TTC24: variants seen among roughly 807,000 people sequenced by gnomAD.
TTC24 encodes the protein tetratricopeptide repeat domain 24.
A neutral mutation model predicts 63.3 loss-of-function variants in TTC24; 54 were observed. That is an observed-to-expected ratio of 0.85 (90% CI 0.69 to 1.07). The LOEUF is 1.07. Ranked by LOEUF, TTC24 falls within the 50% of genes least tolerant of loss-of-function variation. The probability of loss-of-function intolerance (pLI) is 0.00; values close to 1 mark genes in which losing one functional copy is unlikely to be tolerated. For synonymous variants in TTC24, 276 were observed against 304.3 expected (o/e 0.91, Z 0.97); for missense variants, 680 against 730.5 (o/e 0.93, Z 0.80).
chr1:156,586,597 C>A lies in TTC24; in HGVS notation c.*47C>A. 1 of 1,536,564 alleles carries A rather than the reference C, an allele frequency of 6.5e-7. No individual in the cohort carries two copies. The highest frequency in any genetic ancestry group is 9.0e-7 in the Non-Finnish European group (1 of 1,117,160). ...CCTCATCCCTGAAGCACCTGTCCAACACGCACACACTAGGGGGTCCTGGGG... is the reference window on the plus strand; with the variant it reads ...CCTCATCCCTGAAGCACCTGTCCAAAACGCACACACTAGGGGGTCCTGGGG... On this transcript the variant is annotated 3_prime_UTR_variant, in exon 11 of 11. Coordinates refer to ENST00000368236, the MANE Select transcript of TTC24 (RefSeq NM_001105669.4).
In TTC24 at chr1:156,586,904, GTCCA is replaced by G. The variant is rs776157788; in HGVS notation, c.*356_*359del. 3.5e-5 allele frequency: 7 copies of G among 201,394 alleles called. No homozygotes were observed. The highest frequency in any genetic ancestry group is 5.2e-5 in the Non-Finnish European group (5 of 96,000). The allele number at this position is 201,394 out of a possible 1,614,324, so 12.5% of individuals were successfully genotyped here. On this transcript the variant is annotated 3_prime_UTR_variant, in exon 11 of 11. Transcript: ENST00000368236. Reference sequence around the variant, plus strand: ...TTGGAGTCACTGACTGTCTCCAGACGTCCATTTTTGCACATGAGAAATGAGGATA... The same window carrying G: ...TTGGAGTCACTGACTGTCTCCAGACGTTTTTGCACATGAGAAATGAGGATA...
rs986260479 is a variant in TTC24 at position 156,587,295 on chromosome 1, T to C, written c.*745T>C. On this transcript the variant is annotated 3_prime_UTR_variant, in exon 11 of 11. Transcript: ENST00000368236. Reference sequence around the variant, plus strand: ...TCACAACAAATATATGAGGTGCTATTATCCCCTTTCGCAAATGAGGAAAAT... The same window carrying C: ...TCACAACAAATATATGAGGTGCTATCATCCCCTTTCGCAAATGAGGAAAAT... Among the ~76,000 whole-genome samples, 3 of 152,186 alleles carry C rather than the reference T, an allele frequency of 2.0e-5. No homozygotes were observed. Among genetic ancestry groups the C allele is most frequent in the Non-Finnish European group, 2.9e-5 (2 of 68,040 alleles).
intron 9 of TTC24, 54 bp downstream of exon 9, chr1:156,585,880 T>G: frequency 1.3e-6 from 2 of 1,591,540 alleles, no homozygotes; most frequent in Non-Finnish European, 1.7e-6. Flanking sequence ...CTCTCAGAGC[T>G]TTTTTCCACC....
In TTC24 at chr1:156,581,704, AGGCGACAC is replaced by A. The variant is rs1192508854; in HGVS notation, c.347_354del (p.His116ProfsTer34). The stretch of plus-strand genomic sequence containing the variant: ...CCACCCTGAAGAGAAGGCACAGGGC[AGGCGACAC>A]GGCGACCAATGTTTCAATGTGGCTT... On this transcript the variant is annotated frameshift_variant, in exon 2 of 11. Coordinates refer to ENST00000368236, the MANE Select transcript of TTC24 (RefSeq NM_001105669.4). LOFTEE classifies it high-confidence loss of function. 2 of 1,551,678 alleles carry A rather than the reference AGGCGACAC, an allele frequency of 1.3e-6. No homozygotes were observed. The highest frequency in any genetic ancestry group is 1.7e-6 in the Non-Finnish European group (2 of 1,147,020).
At chr1:156,585,292 C>T in intron 8 of TTC24, 61 bp downstream of exon 8, 1 of 1,316,646 alleles carries the variant, frequency 7.6e-7, no homozygotes, top group Non-Finnish European at 1.0e-6. Context: ...GGCACTCCCA[C>T]CCCCACCCGC....
chr1:156,585,894 A>G (rs1177959259), intron 9 of TTC24, 55 bp from the exon 10 acceptor site: 2 of 1,596,134 alleles, frequency 1.3e-6, no homozygotes, highest in Admixed American at 1.7e-5. Context: ...TTCCACCATG[A>G]TAGTTCTTGG....
intron 2 of TTC24, 72 bp from the exon 3 acceptor site, chr1:156,582,159 G>A (rs1358375195): frequency 2.0e-6 from 3 of 1,471,208 alleles, no homozygotes; most frequent in Non-Finnish European, 2.7e-6. Context: ...AACCCTGGAG[G>A]AGTCGATAGG....
chr1:156,581,165 A>G (rs1286665521), intron 1 of TTC24, among the ~76,000 whole-genome samples, 196 bp from the exon 2 acceptor site: 4 of 152,236 alleles, frequency 2.6e-5, no homozygotes, highest in Admixed American at 6.5e-5. Flanking sequence ...AGGACTAAGA[A>G]TTAGTCAGGA....
Position 156,583,878 on chromosome 1 carries a change from G to A in TTC24, c.1234G>A (p.Val412Ile). The change falls in exon 6 of 11, where the codon GTC (valine) becomes ATC (isoleucine). Residue 412 changes from valine to isoleucine, a missense_variant. By Grantham distance (29) the Val-to-Ile change is conservative. Coordinates refer to ENST00000368236, the MANE Select transcript of TTC24 (RefSeq NM_001105669.4). This position sits in a 1 kb window ranked among gnomAD's most constrained non-coding sequence, Gnocchi z 4.0. ...VRTRLAQVGL[V>I]QTHTLTSAPG... ...GACGCGCTTGGCCCAGGTGGGGCTGGTCCAGACTCACACCCTGGTGAGATG... is the reference window on the plus strand; with the variant it reads ...GACGCGCTTGGCCCAGGTGGGGCTGATCCAGACTCACACCCTGGTGAGATG... 6.3e-7 allele frequency: 1 copy of A among 1,581,976 alleles called. No individual in the cohort carries two copies. The highest frequency in any genetic ancestry group is 8.6e-7 in the Non-Finnish European group (1 of 1,164,626).
rs12090808 is a variant in TTC24 at position 156,586,027 on chromosome 1, A to G, written c.1649A>G (p.Asn550Ser). The part of the protein sequence containing the change: ...RAEYPSILVP[N>S]GPQANRSSRW... ...GAGTACCCTAGCATCTTGGTACCCA[A>G]TGGCCCTCAAGCCAATAGGTGGGTC... is the stretch of plus-strand genomic sequence containing the variant. The change falls in exon 10 of 11, where the codon AAT becomes AGT. Residue 550 changes from asparagine to serine, a missense_variant. Physicochemically the swap from Asn to Ser is conservative, Grantham distance 46. Transcript: ENST00000368236. The G allele has an allele frequency of 9.5e-3, 15,015 of 1,574,704 alleles. 1,254 individuals carry two copies. The African/African-American group carries it at 0.18, about 19-fold the overall frequency.
At chr1:156,580,398 T>C (rs560779494) in intron 1 of TTC24, among the ~76,000 whole-genome samples, 1 of 152,050 alleles carries the variant, frequency 6.6e-6, no homozygotes, top group South Asian at 2.1e-4. Context: ...ACCTAGATGA[T>C]GAGTGAGGGG....
rs140863311 is a variant in TTC24 at position 156,585,821 on chromosome 1, T to C, written c.1565T>C (p.Ile522Thr). Residue 522 changes from isoleucine (I) to threonine (T), a missense_variant, in exon 9 of 11, where the codon ATC becomes ACC. Ile to Thr is a moderately conservative substitution (Grantham distance 89). Transcript: ENST00000368236. ...GGGACAGTCCTCGGCAAAGCCTCCA[T>C]CTATAGTGAGCAGTGCATCCCCTGA... ...CRGTVLGKASIYSPGPRAHLP... is the reference protein window; with the variant it reads ...CRGTVLGKASTYSPGPRAHLP... 1 of 1,612,680 alleles carries C rather than the reference T, an allele frequency of 6.2e-7. No homozygotes were observed. The highest frequency in any genetic ancestry group is 2.2e-5 in the East Asian group (1 of 44,872).
chr1:156,585,807 C>T lies in TTC24; in HGVS notation c.1551C>T (p.Leu517=), dbSNP rs749367086. 1.9e-4 allele frequency: 312 copies of T among 1,613,482 alleles called. No individual in the cohort carries two copies. Among genetic ancestry groups the T allele is most frequent in the Non-Finnish European group, 2.5e-4 (300 of 1,179,538 alleles). Residue 517 remains leucine, a synonymous_variant, in exon 9 of 11, where the codon CTC becomes CTT. Coordinates refer to ENST00000368236, the MANE Select transcript of TTC24 (RefSeq NM_001105669.4). The part of the protein sequence containing the change: ...TKHTPCRGTV[L]GKASIYSPGP... ...ACACGCCCTGCAGAGGGACAGTCCTCGGCAAAGCCTCCATCTATAGTGAGC... is the reference window on the plus strand; with the variant it reads ...ACACGCCCTGCAGAGGGACAGTCCTTGGCAAAGCCTCCATCTATAGTGAGC...
rs747078693 is a variant in TTC24 at position 156,585,927 on chromosome 1, GTGTC to G, written c.1571-17_1571-14del. ...TGGTGCAGAGAGGCACGTGATGAAT[GTGTC>G]TGTCCTTCTCCATCTAGGTCCAGGA... On this transcript the variant is annotated intron_variant, in intron 9 of 10. Transcript: ENST00000368236. 8 of 1,601,442 alleles carry G rather than the reference GTGTC, an allele frequency of 5.0e-6. No homozygotes were observed. The Admixed American group carries it at 1.4e-4, about 27-fold the overall frequency.
At chr1:156,586,317 G>C (rs1197010327) in intron 10 of TTC24, among the ~76,000 whole-genome samples, 152 bp from the exon 11 acceptor site, 1 of 152,106 alleles carries the variant, frequency 6.6e-6, no homozygotes, top group African/African-American at 2.4e-5. Flanking sequence ...AGGATGGGGG[G>C]ATATGAAGCT....
chr1:156,586,458 G>A lies in TTC24; in HGVS notation c.1668-11G>A, dbSNP rs1557959565. 1.9e-6 allele frequency: 3 copies of A among 1,612,032 alleles called. No individual in the cohort carries two copies. In the Admixed American group the frequency reaches 5.0e-5, roughly 27 times the overall value. On this transcript the variant is annotated splice_polypyrimidine_tract_variant and intron_variant, in intron 10 of 10. Transcript: ENST00000368236. ...CACCCCCACTGGCAAGCCCCTCCCT[G>A]CCTCTTTCAGGTCATCCAGGTGGCC...
rs1011539343 is a variant in TTC24 at position 156,581,290 on chromosome 1, G to A, written c.-4-71G>A. 1.7e-5 allele frequency: 20 copies of A among 1,149,364 alleles called. No individual in the cohort carries two copies. In the Middle Eastern group the frequency reaches 1.4e-3, roughly 82 times the overall value. 71.2% of individuals were successfully genotyped at this position (1,149,364 alleles called of 1,614,324 possible). ...GCTAGGGCAGGGGTAGAGCTGAATT[G>A]CCCTAAGGGGGTCCTGCTATCTAGA... is the stretch of plus-strand genomic sequence containing the variant. On this transcript the variant is annotated intron_variant, in intron 1 of 10. Coordinates refer to ENST00000368236, the MANE Select transcript of TTC24 (RefSeq NM_001105669.4).
Position 156,583,908 on chromosome 1 carries a change from C to A in TTC24, c.1251+13C>A, listed in dbSNP as rs1251796410. On this transcript the variant is annotated intron_variant, in intron 6 of 10. Coordinates refer to ENST00000368236, the MANE Select transcript of TTC24 (RefSeq NM_001105669.4). The surrounding 1 kb of genome is among the most constrained non-coding windows in gnomAD (Gnocchi z 4.0). Reference sequence around the variant, plus strand: ...GACTCACACCCTGGTGAGATGACACCTGAGACAAGGAGATGGGGGTGGAGA... The same window carrying A: ...GACTCACACCCTGGTGAGATGACACATGAGACAAGGAGATGGGGGTGGAGA... 2 of 1,565,164 alleles carry A rather than the reference C, an allele frequency of 1.3e-6. No homozygotes were observed. The highest frequency in any genetic ancestry group is 3.8e-5 in the Admixed American group (2 of 52,632).
At position 156,587,394 on chromosome 1, in the gene TTC24, AGGCAGT is replaced by A. The variant is rs1677205396; in HGVS notation, c.*846_*851del. Among the ~76,000 whole-genome samples, 1 of 152,242 alleles carries A rather than the reference AGGCAGT, an allele frequency of 6.6e-6. No individual in the cohort carries two copies. The highest frequency in any genetic ancestry group is 2.4e-5 in the African/African-American group (1 of 41,474). ...TGTAGAGAAGCTGGGAATCAAACCC[AGGCAGT>A]GAGCACTTTCTAGAATGCTGTGCAG... is the stretch of plus-strand genomic sequence containing the variant. On this transcript the variant is annotated 3_prime_UTR_variant, in exon 11 of 11. Coordinates refer to ENST00000368236, the MANE Select transcript of TTC24 (RefSeq NM_001105669.4).
Sources: allele counts gnomAD v4.1 joint callset (sites outside exome capture counted in the v4.1 genomes callset), GRCh38; gene constraint gnomAD v4.1.1; non-coding constraint Gnocchi (gnomAD v3.1); transcripts MANE v1.5; gene names NCBI Gene and HGNC (gene_info 2026-07-23, HGNC 2026-07-21).